ROBO1: variants seen among roughly 807,000 people sequenced by gnomAD.
ROBO1 encodes roundabout guidance receptor 1, also known as roundabout homolog 1.
Under a neutral mutation model 195.9 loss-of-function variants are expected in ROBO1, and 149 were observed. That is an observed-to-expected ratio of 0.76 (90% confidence interval 0.67 to 0.87). ROBO1 has a LOEUF of 0.87. Ranked by LOEUF, ROBO1 falls within the 40% of genes least tolerant of loss-of-function variation. ROBO1 has a pLI of 0.00. For synonymous variants in ROBO1, 816 were observed against 733.2 expected, an observed-to-expected ratio of 1.11 and a Z score of -1.82; for missense variants, 1,933 against 2,068.3, an observed-to-expected ratio of 0.93 and a Z score of 1.27.
chr3:79,041,378 C>T (rs1231457122), intron 3 of ROBO1, among the ~76,000 whole-genome samples: 3 of 152,108 alleles, frequency 2.0e-5, no homozygotes, highest in Admixed American at 6.5e-5. Flanking sequence ...CTTCCTCAAC[C>T]GAATCTTAAA....
intron 1 of ROBO1, among the ~76,000 whole-genome samples, chr3:79,613,179 G>GT (rs1944717035): frequency 6.6e-6 from 1 of 151,952 alleles, no homozygotes; most frequent in African/African-American, 2.4e-5. Context: ...GGAACAAATA[G>GT]TTTTTTCATT....
rs149353118 is a variant in ROBO1, at chr3:78,904,336, A to G, written c.499+34265T>C. On this transcript the variant is annotated intron_variant, in intron 4 of 30. Coordinates refer to ENST00000464233, the MANE Select transcript of ROBO1 (RefSeq NM_002941.4). ...CAATACTAAAAGGAACATATAATCC[A>G]TTTTACAAAGTTTTATACACCATAG... Among the ~76,000 whole-genome samples the G allele has an allele frequency of 3.4e-4, 52 of 152,210 alleles. No individual in the cohort carries two copies. In the East Asian group the frequency reaches 8.3e-3, roughly 24 times the overall value.
At chr3:79,738,943 G>A (rs1339800619) in intron 1 of ROBO1, among the ~76,000 whole-genome samples, 1 of 152,122 alleles carries the variant, frequency 6.6e-6, no homozygotes, top group Non-Finnish European at 1.5e-5. Context: ...CTGAAATACT[G>A]AGAAGAATAT....
intron 2 of ROBO1, among the ~76,000 whole-genome samples, chr3:79,521,884 A>C (rs569023164): frequency 1.3e-5 from 2 of 152,240 alleles, no homozygotes; most frequent in East Asian, 1.9e-4. Flanking sequence ...TATCTGTGTC[A>C]GTAGAGAGAG....
chr3:79,656,805 G>T (rs1223980658), intron 1 of ROBO1, among the ~76,000 whole-genome samples: 1 of 151,986 alleles, frequency 6.6e-6, no homozygotes, highest in African/African-American at 2.4e-5. Flanking sequence ...ACTGAGGTGG[G>T]AGGTTCACTT....
chr3:79,301,163 G>A (rs908273202), intron 2 of ROBO1, among the ~76,000 whole-genome samples: 10 of 152,064 alleles, frequency 6.6e-5, no homozygotes, highest in Admixed American at 2.0e-4. Flanking sequence ...AACACTCATC[G>A]CAAAGGTCTG....
intron 3 of ROBO1, among the ~76,000 whole-genome samples, chr3:78,956,281 A>G (rs2041043698): frequency 6.6e-6 from 1 of 152,168 alleles, no homozygotes; most frequent in African/African-American, 2.4e-5. Flanking sequence ...ATTAACATAT[A>G]CAACATTTAA....
At chr3:79,621,541 A>T (rs6783189) in intron 1 of ROBO1, among the ~76,000 whole-genome samples, 138,261 of 152,130 alleles carry the variant, frequency 0.91, 63,003 homozygotes, top group African/African-American at 0.97. Flanking sequence ...ATAAAGGAAA[A>T]CCTATCAGAT....
intron 4 of ROBO1, among the ~76,000 whole-genome samples, chr3:78,874,071 G>A (rs1264205243): frequency 4.0e-5 from 6 of 151,406 alleles, no homozygotes; most frequent in African/African-American, 9.7e-5. Context: ...TATGAGCAAC[G>A]GGCATAAGCA....
chr3:79,242,906 T>C (rs907839839), intron 2 of ROBO1, among the ~76,000 whole-genome samples: 1 of 152,022 alleles, frequency 6.6e-6, no homozygotes, highest in African/African-American at 2.4e-5. Flanking sequence ...TATGTATACA[T>C]GTGCCATGTT....
intron 2 of ROBO1, among the ~76,000 whole-genome samples, chr3:79,227,736 C>A (rs2082252172): frequency 6.6e-6 from 1 of 152,128 alleles, no homozygotes; most frequent in African/African-American, 2.4e-5. Context: ...AGGGTGAATT[C>A]TATATGCTCA....
At chr3:79,095,964 C>T (rs1282759548) in intron 3 of ROBO1, among the ~76,000 whole-genome samples, 2 of 151,878 alleles carry the variant, frequency 1.3e-5, no homozygotes, top group African/African-American at 4.8e-5. Context: ...TAGTTGTTAA[C>T]CATTTATCTT....
chr3:78,618,870 A>G (rs1460561264), intron 26 of ROBO1, among the ~76,000 whole-genome samples: 2 of 152,350 alleles, frequency 1.3e-5, no homozygotes, highest in African/African-American at 2.4e-5. Context: ...GACATGAAGA[A>G]TAACAACAGC....
intron 1 of ROBO1, among the ~76,000 whole-genome samples, chr3:79,712,515 G>A (rs1702316554): frequency 1.3e-5 from 2 of 152,132 alleles, no homozygotes; most frequent in South Asian, 4.1e-4. Flanking sequence ...GCAGAAGTTG[G>A]TTACTAAGGT....
At chr3:79,058,295 A>G (rs1223014366) in intron 3 of ROBO1, among the ~76,000 whole-genome samples, 3 of 152,082 alleles carry the variant, frequency 2.0e-5, no homozygotes, top group Admixed American at 1.3e-4. Context: ...CCTGGAGGCT[A>G]CTTATTTTAT....
At chr3:79,639,759 G>A (rs189229970) in intron 1 of ROBO1, among the ~76,000 whole-genome samples, 3 of 152,188 alleles carry the variant, frequency 2.0e-5, no homozygotes, top group African/African-American at 7.2e-5. Context: ...TTTTAGAAAA[G>A]AAAAGTTCTG....
intron 3 of ROBO1, among the ~76,000 whole-genome samples, chr3:79,019,642 T>C (rs2078056458): frequency 6.6e-6 from 1 of 152,054 alleles, no homozygotes; most frequent in South Asian, 2.1e-4. Context: ...AACTGCGCCC[T>C]CAGGTGAGAA....
intron 2 of ROBO1, among the ~76,000 whole-genome samples, chr3:79,576,704 G>A (rs1488432260): frequency 2.0e-5 from 3 of 152,008 alleles, no homozygotes; most frequent in African/African-American, 7.2e-5. Flanking sequence ...CTTGGTGAAA[G>A]CTTACAAAAA....
chr3:78,790,194 A>G (rs2083974841), intron 4 of ROBO1, among the ~76,000 whole-genome samples: 1 of 152,170 alleles, frequency 6.6e-6, no homozygotes, highest in Admixed American at 6.5e-5. Context: ...ACCAAAAGTT[A>G]CCAACACATC....
Sources: allele counts gnomAD v4.1 joint callset (sites outside exome capture counted in the v4.1 genomes callset), GRCh38; gene constraint gnomAD v4.1.1; transcripts MANE v1.5; gene names NCBI Gene and HGNC (gene_info 2026-07-23, HGNC 2026-07-21).